Variants in ELAVL1 observed in about 807,000 individuals in gnomAD.
The protein encoded by ELAVL1 is ELAV like RNA binding protein 1, also known as ELAV-like protein 1.
A neutral mutation model predicts 28.4 loss-of-function variants in ELAVL1; 1 was observed. That is an observed-to-expected ratio of 0.04 (90% confidence interval 0.01 to 0.17). The LOEUF (loss-of-function observed/expected upper bound fraction) is 0.17. Ranked by LOEUF, ELAVL1 falls within the 10% of genes least tolerant of loss-of-function variation. The probability of loss-of-function intolerance (pLI) is 1.00; values close to 1 mark genes in which losing one functional copy is unlikely to be tolerated. For synonymous variants in ELAVL1, 174 were observed against 183.5 expected (o/e 0.95, Z 0.42); for missense variants, 157 against 447.2 (o/e 0.35, Z 5.85).
Position 7,981,297 on chromosome 19 carries a change from C to T in ELAVL1, c.173-111G>A, listed in dbSNP as rs894497979. The T allele has an allele frequency of 2.2e-6, 2 of 924,974 alleles. No individual in the cohort carries two copies. Among genetic ancestry groups the T allele is most frequent in the Non-Finnish European group, 3.5e-6 (2 of 577,026 alleles). The allele number at this position is 924,974 out of a possible 1,614,324, so 57.3% of individuals were successfully genotyped here. A position where few individuals can be genotyped will look rare whatever the true frequency, so the allele number is the denominator to read the frequency against. On this transcript the variant is annotated intron_variant, in intron 2 of 5. Coordinates refer to ENST00000407627, the MANE Select transcript of ELAVL1 (RefSeq NM_001419.3). The surrounding 1 kb of genome is among the most constrained non-coding windows in gnomAD (Gnocchi z 4.2). ...CCTTTGGGAAATGGGATTACAGGTG[C>T]TAGCAAACTTTATTTTCTTTGGCAA...
In ELAVL1 at chr19:7,960,129, G is replaced by T. The variant is rs1339783599; in HGVS notation, c.*3354C>A. On this transcript the variant is annotated 3_prime_UTR_variant, in exon 6 of 6. Coordinates refer to ENST00000407627, the MANE Select transcript of ELAVL1 (RefSeq NM_001419.3). ...TGGCCTTCATTTGGAAGCAAACCGGGTCAAGGAATTGCCACTAACCGTCTT... is the reference window on the plus strand; with the variant it reads ...TGGCCTTCATTTGGAAGCAAACCGGTTCAAGGAATTGCCACTAACCGTCTT... The T allele has an allele frequency of 6.6e-6, 1 of 152,196 alleles. No individual in the cohort carries two copies. Among genetic ancestry groups the T allele is most frequent in the Non-Finnish European group, 1.5e-5 (1 of 68,040 alleles). 9.4% of individuals were successfully genotyped at this position (152,196 alleles called of 1,614,324 possible). A position where few individuals can be genotyped will look rare whatever the true frequency, so the allele number is the denominator to read the frequency against.
In ELAVL1 at chr19:7,961,654, T is replaced by A. The variant is rs1405974963; in HGVS notation, c.*1829A>T. ...GTCCTCTCTGGCACCAGGCCGACTT[T>A]TATGAGACACAGCCTGGGTACGGAT... On this transcript the variant is annotated 3_prime_UTR_variant, in exon 6 of 6. Transcript: ENST00000407627. 6.6e-6 allele frequency: 1 copy of A among 152,156 alleles called. No individual in the cohort carries two copies. Among genetic ancestry groups the A allele is most frequent in the Non-Finnish European group, 1.5e-5 (1 of 68,042 alleles). 9.4% of individuals were successfully genotyped at this position (152,156 alleles called of 1,614,324 possible).
chr19:7,978,436 T>C (rs117218824), intron 3 of ELAVL1, among the ~76,000 whole-genome samples: 4 of 152,132 alleles, frequency 2.6e-5, no homozygotes, highest in Non-Finnish European at 5.9e-5. Flanking sequence ...AAAGAGTCAA[T>C]CGGTCATGCA....
At chr19:8,000,753 C>T (rs2081065036) in intron 1 of ELAVL1, among the ~76,000 whole-genome samples, 1 of 152,246 alleles carries the variant, frequency 6.6e-6, no homozygotes, top group Non-Finnish European at 1.5e-5. Context: ...TGCCCATGGC[C>T]CACAGAAGGG....
At position 7,960,959 on chromosome 19, in the gene ELAVL1, C is replaced by T. The variant is rs930253842; in HGVS notation, c.*2524G>A. On this transcript the variant is annotated 3_prime_UTR_variant, in exon 6 of 6. Coordinates refer to ENST00000407627, the MANE Select transcript of ELAVL1 (RefSeq NM_001419.3). Reference sequence around the variant, plus strand: ...AGGAGTGACAGTTGTTAAGCTAAATCCTTCCACAAGCTTGCAAGCTAAGAC... The same window carrying T: ...AGGAGTGACAGTTGTTAAGCTAAATTCTTCCACAAGCTTGCAAGCTAAGAC... 2.0e-5 allele frequency: 3 copies of T among 152,184 alleles called. No homozygotes were observed. The highest frequency in any genetic ancestry group is 4.8e-5 in the African/African-American group (2 of 41,432). 9.4% of individuals were successfully genotyped at this position (152,184 alleles called of 1,614,324 possible).
intron 2 of ELAVL1, among the ~76,000 whole-genome samples, chr19:7,983,598 C>T (rs1254552301): frequency 6.6e-6 from 1 of 152,182 alleles, no homozygotes; most frequent in Non-Finnish European, 1.5e-5. Flanking sequence ...TGCTCAGCGC[C>T]TTCTGCATCC....
At chr19:7,992,014 T>C (rs1367741649) in intron 1 of ELAVL1, among the ~76,000 whole-genome samples, 183 bp from the exon 2 acceptor site, 1 of 151,772 alleles carries the variant, frequency 6.6e-6, no homozygotes, top group Non-Finnish European at 1.5e-5. Context: ...AATCTCGGCT[T>C]ACTGCAACCT....
rs1984786784 is a variant in ELAVL1, at chr19:7,960,846, C to T, written c.*2637G>A. The T allele has an allele frequency of 6.6e-6, 1 of 152,194 alleles. No homozygotes were observed. Among genetic ancestry groups the T allele is most frequent in the Non-Finnish European group, 1.5e-5 (1 of 68,022 alleles). 9.4% of individuals were successfully genotyped at this position (152,194 alleles called of 1,614,324 possible). On this transcript the variant is annotated 3_prime_UTR_variant, in exon 6 of 6. Coordinates refer to ENST00000407627, the MANE Select transcript of ELAVL1 (RefSeq NM_001419.3). ...CCTTTTTTAAGAAAAGGGATCTCCC[C>T]TTTGCAAACAGGCCTTGATAAGATG...
intron 4 of ELAVL1, among the ~76,000 whole-genome samples, chr19:7,970,398 G>A (rs904659797): frequency 2.0e-5 from 3 of 151,954 alleles, no homozygotes; most frequent in Non-Finnish European, 4.4e-5. Flanking sequence ...CTCGTGATCC[G>A]CCCACCTTGG....
chr19:7,992,747 AG>A (rs1159837932), intron 1 of ELAVL1, among the ~76,000 whole-genome samples: 4 of 152,200 alleles, frequency 2.6e-5, no homozygotes, highest in African/African-American at 9.7e-5. Flanking sequence ...TACGTGCTTT[AG>A]TTACTAATAA....
chr19:7,973,190 G>A (rs1466239663), intron 4 of ELAVL1: 3 of 157,158 alleles, frequency 1.9e-5, no homozygotes, highest in Admixed American at 6.5e-5. Context: ...GAATCTCTTG[G>A]CGTTTTCACT....
At position 7,959,727 on chromosome 19, in the gene ELAVL1, T is replaced by C. The variant is rs944503634; in HGVS notation, c.*3756A>G. Reference sequence around the variant, plus strand: ...GCCATCATTACACGCCAATTGCCAATGCCACTTAAAAGAAAGCACTTGTGA... The same window carrying C: ...GCCATCATTACACGCCAATTGCCAACGCCACTTAAAAGAAAGCACTTGTGA... On this transcript the variant is annotated 3_prime_UTR_variant, in exon 6 of 6. Coordinates refer to ENST00000407627, the MANE Select transcript of ELAVL1 (RefSeq NM_001419.3). 2 of 152,152 alleles carry C rather than the reference T, an allele frequency of 1.3e-5. No individual in the cohort carries two copies. The highest frequency in any genetic ancestry group is 2.9e-5 in the Non-Finnish European group (2 of 68,020). 9.4% of individuals were successfully genotyped at this position (152,152 alleles called of 1,614,324 possible).
intron 1 of ELAVL1, among the ~76,000 whole-genome samples, chr19:8,004,464 G>A (rs921296269): frequency 2.0e-5 from 3 of 152,158 alleles, no homozygotes; most frequent in East Asian, 1.9e-4. Context: ...AATGTTTGGA[G>A]ATACTTTTGA....
Position 7,991,671 on chromosome 19 carries a change from C to A in ELAVL1, c.145G>T (p.Ala49Ser), listed in dbSNP as rs755938476. 6.2e-7 allele frequency: 1 copy of A among 1,612,296 alleles called. No individual in the cohort carries two copies. Among genetic ancestry groups the A allele is most frequent in the Non-Finnish European group, 8.5e-7 (1 of 1,179,094 alleles). ...LFSSIGEVES[A>S]KLIRDKVAGH... is the part of the protein sequence containing the mutation. ...GCTACTTTATCCCGAATAAGTTTTGCAGATTCAACTTCACCAATGCTGCTG... is the reference window on the plus strand; with the variant it reads ...GCTACTTTATCCCGAATAAGTTTTGAAGATTCAACTTCACCAATGCTGCTG... The change falls in exon 2 of 6, where the codon GCA becomes TCA. Residue 49 changes from alanine to serine, a missense_variant. Physicochemically the swap from Ala to Ser is moderately conservative, Grantham distance 99. Around this residue, in one of 4 missense-constraint regions of ELAVL1, gnomAD observed 28 missense variants for 89.7 expected, o/e 0.31. Coordinates refer to ENST00000407627, the MANE Select transcript of ELAVL1 (RefSeq NM_001419.3).
At chr19:7,987,893 G>C (rs934782288) in intron 2 of ELAVL1, among the ~76,000 whole-genome samples, 1 of 152,220 alleles carries the variant, frequency 6.6e-6, no homozygotes, top group African/African-American at 2.4e-5. Context: ...TTGGGCCAAG[G>C]GAGGCCTCCT....
In ELAVL1 at chr19:7,981,292, A is replaced by T; in HGVS notation, c.173-106T>A. The T allele has an allele frequency of 1.0e-6, 1 of 990,574 alleles. No individual in the cohort carries two copies. Among genetic ancestry groups the T allele is most frequent in the Non-Finnish European group, 1.6e-6 (1 of 628,684 alleles). 61.4% of individuals were successfully genotyped at this position (990,574 alleles called of 1,614,324 possible). The stretch of plus-strand genomic sequence containing the variant: ...CCTGGCCTTTGGGAAATGGGATTAC[A>T]GGTGCTAGCAAACTTTATTTTCTTT... On this transcript the variant is annotated intron_variant, in intron 2 of 5. Coordinates refer to ENST00000407627, the MANE Select transcript of ELAVL1 (RefSeq NM_001419.3). This position sits in a 1 kb window ranked among gnomAD's most constrained non-coding sequence, Gnocchi z 4.2.
intron 3 of ELAVL1, 132 bp from the exon 4 acceptor site, chr19:7,974,010 G>T: frequency 8.4e-7 from 1 of 1,194,544 alleles, no homozygotes. Context: ...TATCATCACT[G>T]ACGCTCACCG....
chr19:7,995,487 G>A (rs1001428118), intron 1 of ELAVL1, among the ~76,000 whole-genome samples: 2 of 152,102 alleles, frequency 1.3e-5, no homozygotes, highest in Admixed American at 6.6e-5. Flanking sequence ...ATGGCCTGTG[G>A]TACAAATCTG....
intron 3 of ELAVL1, among the ~76,000 whole-genome samples, chr19:7,974,633 G>A (rs1985227588): frequency 6.6e-6 from 1 of 152,140 alleles, no homozygotes; most frequent in African/African-American, 2.4e-5. Flanking sequence ...GCCTGTGAAG[G>A]GGCAGCCTGG....
Sources: allele counts gnomAD v4.1 joint callset (sites outside exome capture counted in the v4.1 genomes callset), GRCh38; gene constraint gnomAD v4.1.1; regional missense constraint gnomAD v4.1.1; non-coding constraint Gnocchi (gnomAD v3.1); transcripts MANE v1.5; gene names NCBI Gene and HGNC (gene_info 2026-07-23, HGNC 2026-07-21).